RSPH6A: variants seen among roughly 807,000 people sequenced by gnomAD.
RSPH6A encodes radial spoke head protein 6 homolog A.
A neutral mutation model predicts 66.1 loss-of-function variants in RSPH6A; 49 were observed. That is an observed-to-expected ratio of 0.74 (90% confidence interval 0.59 to 0.94). RSPH6A has a LOEUF of 0.94. Among genes scored for constraint, RSPH6A ranks in the 40% least tolerant of loss-of-function variants. The pLI, the probability that RSPH6A is intolerant of heterozygous loss-of-function variation, is 0.00. For missense variants in RSPH6A, 977 were observed against 948.3 expected (o/e 1.03, Z -0.40); for synonymous variants, 419 against 402.4 (o/e 1.04, Z -0.49).
intron 1 of RSPH6A, among the ~76,000 whole-genome samples, chr19:45,813,657 T>C (rs147853155): frequency 1.0e-3 from 157 of 152,344 alleles, no homozygotes; most frequent in African/African-American, 3.5e-3. Flanking sequence ...ACCCCCACTA[T>C]TTCATGTGTT....
chr19:45,797,043 T>G (rs1841945171), intron 5 of RSPH6A, among the ~76,000 whole-genome samples: 2 of 152,040 alleles, frequency 1.3e-5, no homozygotes, highest in Non-Finnish European at 2.9e-5. Context: ...CACTCCAGCC[T>G]GAGTGACAGA....
At position 45,803,849 on chromosome 19, in the gene RSPH6A, C is replaced by G. The variant is rs183694226; in HGVS notation, c.1653+403G>C. 1.9e-3 allele frequency among the ~76,000 whole-genome samples: 291 copies of G among 150,794 alleles called. 3 individuals are homozygous for G. The highest frequency in any genetic ancestry group is 2.9e-3 in the Non-Finnish European group (199 of 67,650). Reference sequence around the variant, plus strand: ...CTCTACTAAAATACAAAAAATTAGCCAGGTGTGGCAGCGTGTGCCTGTAAT... The same window carrying G: ...CTCTACTAAAATACAAAAAATTAGCGAGGTGTGGCAGCGTGTGCCTGTAAT... On this transcript the variant is annotated intron_variant, in intron 3 of 5. Coordinates refer to ENST00000221538, the MANE Select transcript of RSPH6A (RefSeq NM_030785.4).
chr19:45,804,462 C>CAGGT lies in RSPH6A; in HGVS notation c.1439_1442dup (p.Arg482ProfsTer23). The CAGGT allele has an allele frequency of 1.9e-6, 3 of 1,614,050 alleles. No individual in the cohort carries two copies. Among genetic ancestry groups the CAGGT allele is most frequent in the Non-Finnish European group, 2.5e-6 (3 of 1,179,952 alleles). Reference sequence around the variant, plus strand: ...CCGAGATGCGGGCTATCTGGGCCCGCAGGTAGTTGGCCTCGTTGCCCGGGA... The same window carrying CAGGT: ...CCGAGATGCGGGCTATCTGGGCCCGCAGGTAGGTAGTTGGCCTCGTTGCCCGGGA... On this transcript the variant is annotated frameshift_variant, in exon 3 of 6. Coordinates refer to ENST00000221538, the MANE Select transcript of RSPH6A (RefSeq NM_030785.4). LOFTEE classifies it high-confidence loss of function. The surrounding 1 kb of genome is among the most constrained non-coding windows in gnomAD (Gnocchi z 5.8).
intron 5 of RSPH6A, among the ~76,000 whole-genome samples, chr19:45,796,767 C>T (rs1269802050): frequency 6.6e-6 from 1 of 152,116 alleles, no homozygotes; most frequent in Admixed American, 6.5e-5. Context: ...CCTGCCTCAG[C>T]CTCCCAAAGT....
In RSPH6A at chr19:45,815,277, G is replaced by A; in HGVS notation, c.-101C>T. 7.5e-7 allele frequency: 1 copy of A among 1,326,062 alleles called. No homozygotes were observed. Among genetic ancestry groups the A allele is most frequent in the Non-Finnish European group, 1.0e-6 (1 of 996,022 alleles). 82.1% of individuals were successfully genotyped at this position (1,326,062 alleles called of 1,614,324 possible). ...CCGCCGGTTTCTGAGCACCGAGAGA[G>A]GGGGCCGTTACCCGTGGAGGGCGCG... On this transcript the variant is annotated 5_prime_UTR_variant, in exon 1 of 6. Coordinates refer to ENST00000221538, the MANE Select transcript of RSPH6A (RefSeq NM_030785.4).
chr19:45,805,087 C>A (rs1040322743), intron 2 of RSPH6A, 71 bp from the exon 3 acceptor site: 1 of 1,362,476 alleles, frequency 7.3e-7, no homozygotes, highest in Non-Finnish European at 1.0e-6. Flanking sequence ...CTCTTCCAGA[C>A]TCTTCTAGAG....
At position 45,806,765 on chromosome 19, in the gene RSPH6A, C is replaced by T. The variant is rs140104304; in HGVS notation, c.889-1749G>A. Among the ~76,000 whole-genome samples, 1,227 of 149,792 alleles carry T rather than the reference C, an allele frequency of 8.2e-3. 17 individuals carry two copies. The highest frequency in any genetic ancestry group is 0.027 in the African/African-American group (1,119 of 40,920). On this transcript the variant is annotated intron_variant, in intron 2 of 5. Transcript: ENST00000221538. ...GAGAAAGAAGAAGTGTAATGTACAT[C>T]TGCACGGGCCACACACCAATGCTCT... is the stretch of plus-strand genomic sequence containing the variant.
intron 1 of RSPH6A, among the ~76,000 whole-genome samples, chr19:45,813,588 G>C (rs1034487984): frequency 5.3e-5 from 8 of 152,252 alleles, no homozygotes; most frequent in African/African-American, 1.9e-4. Context: ...CAGGTGATCC[G>C]CCCGTCTTGG....
chr19:45,810,627 G>T lies in RSPH6A; in HGVS notation c.864C>A (p.Gly288=), dbSNP rs752335006. ...LFTRSGGGTE[G]EQEMEEEVGE... ...CCACCTCCTCCTCCATCTCCTGTTC[G>T]CCTTCAGTGCCGCCTCCACTCCGGG... The change falls in exon 2 of 6, where the codon GGC becomes GGA. Residue 288 remains glycine, a synonymous_variant. Transcript: ENST00000221538. 6 of 1,613,710 alleles carry T rather than the reference G, an allele frequency of 3.7e-6. No homozygotes were observed. In the East Asian group the frequency reaches 1.3e-4, roughly 36 times the overall value.
At chr19:45,802,853 C>G (rs1016653087) in intron 3 of RSPH6A, among the ~76,000 whole-genome samples, 1 of 150,506 alleles carries the variant, frequency 6.6e-6, no homozygotes, top group African/African-American at 2.4e-5. Flanking sequence ...GAGTCTGGCT[C>G]TGTCGCCCAG....
rs61730714 is a variant in RSPH6A at position 45,795,920 on chromosome 19, C to G, written c.2103G>C (p.Glu701Asp). ...CCTCCTCCTCGCCCTCCTCCTCCTC[C>G]TCTGTGGCTCCCAGGGCTTGTTCCT... ...AAQEQALGAT[E>D]EEEEGEEEEE... Residue 701 changes from glutamate to aspartate, a missense_variant, in exon 6 of 6, where the codon GAG (glutamate) becomes GAC (aspartate). Transcript: ENST00000221538. 1 of 1,613,750 alleles carries G rather than the reference C, an allele frequency of 6.2e-7. No homozygotes were observed. Among genetic ancestry groups the G allele is most frequent in the Non-Finnish European group, 8.5e-7 (1 of 1,179,964 alleles).
intron 2 of RSPH6A, among the ~76,000 whole-genome samples, chr19:45,809,233 C>T (rs1032739968): frequency 4.0e-5 from 6 of 148,924 alleles, no homozygotes; most frequent in African/African-American, 1.5e-4. Flanking sequence ...GATCTCCTGA[C>T]CTCGTGATCC....
Position 45,795,893 on chromosome 19 carries a change from C to A in RSPH6A, c.2130G>T (p.Glu710Asp). 6.2e-7 allele frequency: 1 copy of A among 1,609,428 alleles called. No individual in the cohort carries two copies. The highest frequency in any genetic ancestry group is 8.5e-7 in the Non-Finnish European group (1 of 1,177,174). Reference sequence around the variant, plus strand: ...CTCAGTCATCTGTCTCCTCGCCCTCCTCCTCCTCCTCGCCCTCCTCCTCCT... The same window carrying A: ...CTCAGTCATCTGTCTCCTCGCCCTCATCCTCCTCCTCGCCCTCCTCCTCCT... ...TEEEEEGEEEEEGEETDD is the reference protein window; with the variant it reads ...TEEEEEGEEEDEGEETDD Residue 710 changes from glutamate to aspartate, a missense_variant, in exon 6 of 6, where the codon GAG (glutamate) becomes GAT (aspartate). Coordinates refer to ENST00000221538, the MANE Select transcript of RSPH6A (RefSeq NM_030785.4).
At chr19:45,805,458 A>G (rs2879934) in intron 2 of RSPH6A, among the ~76,000 whole-genome samples, 50,744 of 151,160 alleles carry the variant, frequency 0.34, 8,609 homozygotes, top group Non-Finnish European at 0.35. Flanking sequence ...TAGGGAGGCC[A>G]AGGCAAGCAG....
At position 45,802,274 on chromosome 19, in the gene RSPH6A, G is replaced by A. The variant is rs1970483437; in HGVS notation, c.1654-10C>T. Reference sequence around the variant, plus strand: ...CCCAAGTGCAGCGGCCCTGGGGGTGGGGGGAAGCTCAGGTGATGGCCCCAG... The same window carrying A: ...CCCAAGTGCAGCGGCCCTGGGGGTGAGGGGAAGCTCAGGTGATGGCCCCAG... On this transcript the variant is annotated splice_polypyrimidine_tract_variant and intron_variant, in intron 3 of 5. Transcript: ENST00000221538. 1.5e-6 allele frequency: 2 copies of A among 1,367,410 alleles called. No homozygotes were observed. The highest frequency in any genetic ancestry group is 1.9e-6 in the Non-Finnish European group (2 of 1,045,136). 84.7% of individuals were successfully genotyped at this position (1,367,410 alleles called of 1,614,324 possible).
intron 5 of RSPH6A, among the ~76,000 whole-genome samples, chr19:45,798,362 A>T (rs8108590): frequency 2.0e-5 from 3 of 151,414 alleles, no homozygotes. Context: ...CCATCTCAAA[A>T]AAAAAGAAAA....
chr19:45,814,883 G>C lies in RSPH6A; in HGVS notation c.294C>G (p.Phe98Leu). 4 of 1,614,126 alleles carry C rather than the reference G, an allele frequency of 2.5e-6. No individual in the cohort carries two copies. The highest frequency in any genetic ancestry group is 3.4e-6 in the Non-Finnish European group (4 of 1,180,034). The part of the protein sequence containing the change: ...PSVNTGFPSE[F>L]QPQPYSDESR... ...TTTCATCAGAGTAAGGCTGAGGCTG[G>C]AACTCTGAGGGAAAGCCCGTGTTCA... Residue 98 changes from phenylalanine (F) to leucine (L), a missense_variant, in exon 1 of 6, where the codon TTC becomes TTG. Coordinates refer to ENST00000221538, the MANE Select transcript of RSPH6A (RefSeq NM_030785.4).
At chr19:45,802,620 G>C (rs890634405) in intron 3 of RSPH6A, among the ~76,000 whole-genome samples, 3 of 147,882 alleles carry the variant, frequency 2.0e-5, no homozygotes, top group Non-Finnish European at 3.0e-5. Context: ...ATTCTCCTGC[G>C]TCAGCCTCCT....
chr19:45,797,177 C>G (rs1970417304), intron 5 of RSPH6A, among the ~76,000 whole-genome samples: 1 of 151,352 alleles, frequency 6.6e-6, no homozygotes, highest in South Asian at 2.1e-4. Flanking sequence ...GAGATCGAGA[C>G]CAGCCTAGCT....
Sources: allele counts gnomAD v4.1 joint callset (sites outside exome capture counted in the v4.1 genomes callset), GRCh38; gene constraint gnomAD v4.1.1; non-coding constraint Gnocchi (gnomAD v3.1); transcripts MANE v1.5; gene names NCBI Gene and HGNC (gene_info 2026-07-23, HGNC 2026-07-21).